Variants in ANKRD6 observed in about 807,000 individuals in gnomAD.
ANKRD6 encodes the protein ankyrin repeat domain 6.
A neutral mutation model predicts 82.3 loss-of-function variants in ANKRD6; 56 were observed. That is an observed-to-expected ratio of 0.68 (90% CI 0.55 to 0.85). ANKRD6 has a LOEUF of 0.85. Among genes scored for constraint, ANKRD6 ranks in the 40% least tolerant of loss-of-function variants. The pLI, the probability that ANKRD6 is intolerant of heterozygous loss-of-function variation, is 0.00. For missense variants in ANKRD6, 852 were observed against 907.6 expected, an observed-to-expected ratio of 0.94 and a Z score of 0.79; for synonymous variants, 347 against 352.1, an observed-to-expected ratio of 0.99 and a Z score of 0.16.
At chr6:89,477,414 T>G (rs543527210) in intron 1 of ANKRD6, among the ~76,000 whole-genome samples, 2 of 152,220 alleles carry the variant, frequency 1.3e-5, no homozygotes, top group East Asian at 3.9e-4. Flanking sequence ...TCATACACCA[T>G]CATTGTTTCT....
intron 1 of ANKRD6, among the ~76,000 whole-genome samples, chr6:89,488,113 C>T (rs1170817470): frequency 1.3e-5 from 2 of 152,166 alleles, no homozygotes; most frequent in Non-Finnish European, 2.9e-5. Flanking sequence ...TCCCACCTGT[C>T]GTCTCTTTTT....
At chr6:89,463,677 T>C (rs1313343462) in intron 1 of ANKRD6, among the ~76,000 whole-genome samples, 1 of 151,964 alleles carries the variant, frequency 6.6e-6, no homozygotes, top group Non-Finnish European at 1.5e-5. Context: ...GCCTCCCGAG[T>C]AGCTGGGATT....
At chr6:89,443,123 G>T (rs929579611) in intron 1 of ANKRD6, among the ~76,000 whole-genome samples, 10 of 152,116 alleles carry the variant, frequency 6.6e-5, no homozygotes, top group African/African-American at 2.4e-4. Flanking sequence ...TTGCTACAAA[G>T]AATCTGTTTT....
intron 13 of ANKRD6, among the ~76,000 whole-genome samples, chr6:89,625,165 C>T (rs922581365): frequency 6.6e-6 from 1 of 152,026 alleles, no homozygotes; most frequent in African/African-American, 2.4e-5. Context: ...CACCTATAAT[C>T]CCAGCTACTC....
At chr6:89,616,216 G>T (rs910231634) in intron 7 of ANKRD6, among the ~76,000 whole-genome samples, 21 of 152,332 alleles carry the variant, frequency 1.4e-4, no homozygotes, top group Non-Finnish European at 1.3e-4. Flanking sequence ...GGAATGACTA[G>T]CCTGCCTGCC....
Position 89,600,244 on chromosome 6 carries a change from T to G in ANKRD6, c.220-2785T>G, listed in dbSNP as rs376752519. Among the ~76,000 whole-genome samples, 5 of 152,150 alleles carry G rather than the reference T, an allele frequency of 3.3e-5. No individual in the cohort carries two copies. In the East Asian group the frequency reaches 5.8e-4, roughly 18 times the overall value. On this transcript the variant is annotated intron_variant, in intron 3 of 15. Transcript: ENST00000339746. The stretch of plus-strand genomic sequence containing the variant: ...ATGATGAAAGCAAGTAATAAATAAC[T>G]TGGTGCCATTCCGGCTCCAAAGATA...
intron 1 of ANKRD6, among the ~76,000 whole-genome samples, chr6:89,505,396 A>C (rs1011795270): frequency 1.3e-5 from 2 of 152,250 alleles, no homozygotes; most frequent in Non-Finnish European, 2.9e-5. Flanking sequence ...TTTTAAGCAG[A>C]AGGAGACAGA....
At chr6:89,617,744 C>T (rs753267098) in intron 8 of ANKRD6, among the ~76,000 whole-genome samples, 31 of 152,356 alleles carry the variant, frequency 2.0e-4, no homozygotes, top group African/African-American at 3.8e-4. Context: ...TTTTACTTAG[C>T]GTGTCTTCCA....
chr6:89,547,061 A>G (rs1346185854), intron 1 of ANKRD6, among the ~76,000 whole-genome samples: 1 of 152,072 alleles, frequency 6.6e-6, no homozygotes, highest in Non-Finnish European at 1.5e-5. Flanking sequence ...CCTGGGTTCA[A>G]ATGATCCTCC....
At chr6:89,609,197 T>C (rs1324288689) in intron 5 of ANKRD6, among the ~76,000 whole-genome samples, 1 of 152,210 alleles carries the variant, frequency 6.6e-6, no homozygotes, top group Non-Finnish European at 1.5e-5. Context: ...AAGCTACGTA[T>C]GGTAATATCG....
intron 1 of ANKRD6, among the ~76,000 whole-genome samples, chr6:89,514,549 T>A (rs547917803): frequency 6.6e-6 from 1 of 152,296 alleles, no homozygotes; most frequent in South Asian, 2.1e-4. Context: ...AATTAAAATG[T>A]TGGGCATAAG....
intron 1 of ANKRD6, among the ~76,000 whole-genome samples, chr6:89,514,531 G>A (rs547783645): frequency 1.4e-4 from 21 of 152,170 alleles, no homozygotes; most frequent in Non-Finnish European, 2.2e-4. Context: ...CACCCCTGCC[G>A]TAAATGGAAT....
intron 10 of ANKRD6, among the ~76,000 whole-genome samples, chr6:89,622,454 C>T (rs767375888): frequency 1.6e-4 from 25 of 152,288 alleles, no homozygotes; most frequent in East Asian, 5.8e-4. Flanking sequence ...ATCAGAAACT[C>T]GGGTGGGGCC....
At chr6:89,453,694 C>A (rs1773147634) in intron 1 of ANKRD6, among the ~76,000 whole-genome samples, 1 of 152,052 alleles carries the variant, frequency 6.6e-6, no homozygotes. Context: ...ATTCTCCTGC[C>A]TCGGCCTGCC....
rs76091691 is a variant in ANKRD6, at chr6:89,593,528, C to T, written c.121-2388C>T. Among the ~76,000 whole-genome samples, 421 of 152,302 alleles carry T rather than the reference C, an allele frequency of 2.8e-3. 2 individuals carry two copies. The highest frequency in any genetic ancestry group is 9.9e-3 in the African/African-American group (410 of 41,556). ...TTTTTTGGGGAGTGATTAAAGTAAG[C>T]TCTGACCTCTTTCCAGAATCATTCT... On this transcript the variant is annotated intron_variant, in intron 2 of 15. Transcript: ENST00000339746.
At chr6:89,628,334 T>C in intron 14 of ANKRD6, 1 of 159,012 alleles carries the variant, frequency 6.3e-6, no homozygotes, top group Non-Finnish European at 1.4e-5. Flanking sequence ...TGCCAACATC[T>C]GCATCTGGTG....
At chr6:89,538,159 A>T (rs1784075310) in intron 1 of ANKRD6, among the ~76,000 whole-genome samples, 1 of 152,152 alleles carries the variant, frequency 6.6e-6, no homozygotes, top group South Asian at 2.1e-4. Context: ...TTTAATTGGG[A>T]TCCAAAGGTC....
At chr6:89,590,614 T>G (rs1428703531) in intron 2 of ANKRD6, among the ~76,000 whole-genome samples, 2 of 152,148 alleles carry the variant, frequency 1.3e-5, no homozygotes, top group Non-Finnish European at 2.9e-5. Context: ...ACCCAAGAAC[T>G]TGGGAGCTGA....
intron 2 of ANKRD6, among the ~76,000 whole-genome samples, chr6:89,594,337 C>G (rs886538358): frequency 1.4e-4 from 21 of 152,138 alleles, no homozygotes; most frequent in African/African-American, 4.8e-4. Flanking sequence ...TGCCTGTGGT[C>G]CCAGCTACTC....
Sources: allele counts gnomAD v4.1 joint callset (sites outside exome capture counted in the v4.1 genomes callset), GRCh38; gene constraint gnomAD v4.1.1; transcripts MANE v1.5; gene names NCBI Gene and HGNC (gene_info 2026-07-23, HGNC 2026-07-21).